Variants in KATNAL1 observed in about 807,000 individuals in gnomAD.
KATNAL1 encodes the protein katanin catalytic subunit A1 like 1, also known as katanin p60 ATPase-containing subunit A-like 1.
In KATNAL1, 32 loss-of-function variants were observed where a neutral mutation model predicts 55.2. The observed-to-expected ratio is 0.58, with a 90% CI of 0.44 to 0.78. The LOEUF (loss-of-function observed/expected upper bound fraction) is 0.78. Among genes scored for constraint, KATNAL1 ranks in the 30% least tolerant of loss-of-function variants. KATNAL1 has a pLI of 0.00. For missense variants in KATNAL1, 466 were observed against 600.9 expected (o/e 0.78, Z 2.35); for synonymous variants, 193 against 193.6 (o/e 1.00, Z 0.02).
chr13:30,214,031 T>C (rs901765065), intron 9 of KATNAL1, among the ~76,000 whole-genome samples: 5 of 152,170 alleles, frequency 3.3e-5, no homozygotes, highest in Admixed American at 6.5e-5. Flanking sequence ...AACCCCATCG[T>C]CTCAGCCCAA....
At chr13:30,269,705 G>A (rs1258527756) in intron 3 of KATNAL1, among the ~76,000 whole-genome samples, 2 of 151,864 alleles carry the variant, frequency 1.3e-5, no homozygotes, top group South Asian at 4.2e-4. Flanking sequence ...GGGAGGTGAG[G>A]AGCGTCTCTG....
Position 30,206,679 on chromosome 13 carries a change from T to G in KATNAL1, c.*1861A>C, listed in dbSNP as rs1430782522. The G allele has an allele frequency of 6.6e-6, 1 of 151,840 alleles. No homozygotes were observed. The highest frequency in any genetic ancestry group is 1.9e-4 in the East Asian group (1 of 5,138). 9.4% of individuals were successfully genotyped at this position (151,840 alleles called of 1,614,324 possible). ...AAAGTAATGGAAAAACCACAATTAC[T>G]TTTGCACCAACCCATTACAAACAAG... On this transcript the variant is annotated 3_prime_UTR_variant, in exon 11 of 11. Coordinates refer to ENST00000380615, the MANE Select transcript of KATNAL1 (RefSeq NM_032116.5).
At chr13:30,234,686 C>T (rs531566700) in intron 6 of KATNAL1, among the ~76,000 whole-genome samples, 1 of 152,298 alleles carries the variant, frequency 6.6e-6, no homozygotes, top group East Asian at 1.9e-4. Flanking sequence ...ATCTGAAGCT[C>T]CAGGCCTCTA....
At chr13:30,298,355 G>A (rs1253281592) in intron 1 of KATNAL1, among the ~76,000 whole-genome samples, 1 of 152,042 alleles carries the variant, frequency 6.6e-6, no homozygotes, top group East Asian at 1.9e-4. Context: ...ACTTTTTATT[G>A]CTGAGTAGTA....
At chr13:30,265,344 G>A (rs1007588522) in intron 3 of KATNAL1, among the ~76,000 whole-genome samples, 7 of 150,936 alleles carry the variant, frequency 4.6e-5, no homozygotes, top group African/African-American at 1.7e-4. Context: ...TGCACATTGT[G>A]CACATGTACC....
intron 9 of KATNAL1, among the ~76,000 whole-genome samples, chr13:30,222,637 CAAT>C (rs148064153): frequency 0.041 from 6,202 of 152,150 alleles, 171 homozygotes; most frequent in African/African-American, 0.071. Flanking sequence ...GCTAAAAATC[CAAT>C]AATGGCATTA....
intron 9 of KATNAL1, among the ~76,000 whole-genome samples, chr13:30,216,634 G>A (rs1261538159): frequency 7.2e-5 from 11 of 152,160 alleles, no homozygotes; most frequent in East Asian, 1.9e-4. Flanking sequence ...ACACCTGCTC[G>A]ACATGTGGTT....
chr13:30,286,461 T>C (rs181398642), intron 1 of KATNAL1, among the ~76,000 whole-genome samples: 2 of 152,242 alleles, frequency 1.3e-5, no homozygotes, highest in African/African-American at 4.8e-5. Context: ...AGCTTCCACA[T>C]GGTGCTGGGC....
intron 9 of KATNAL1, among the ~76,000 whole-genome samples, chr13:30,218,615 T>C (rs937252392): frequency 2.0e-5 from 3 of 152,108 alleles, no homozygotes; most frequent in Admixed American, 2.0e-4. Flanking sequence ...ATGTCAGAAG[T>C]ATGAGCAGAA....
At chr13:30,284,206 C>G (rs1442322723) in intron 1 of KATNAL1, among the ~76,000 whole-genome samples, 1 of 152,122 alleles carries the variant, frequency 6.6e-6, no homozygotes, top group Non-Finnish European at 1.5e-5. Context: ...TTGAGGTTAT[C>G]TGAATGCATC....
At chr13:30,218,046 C>A (rs1398911418) in intron 9 of KATNAL1, among the ~76,000 whole-genome samples, 1 of 151,682 alleles carries the variant, frequency 6.6e-6, no homozygotes, top group Admixed American at 6.6e-5. Context: ...GAAGAGAGAA[C>A]CTGGGAAATG....
intron 1 of KATNAL1, among the ~76,000 whole-genome samples, chr13:30,297,514 G>A (rs1882592741): frequency 6.6e-6 from 1 of 151,998 alleles, no homozygotes; most frequent in Non-Finnish European, 1.5e-5. Context: ...CCCATTACTG[G>A]GTATATACCC....
At chr13:30,291,324 T>C (rs1301914112) in intron 1 of KATNAL1, among the ~76,000 whole-genome samples, 1 of 152,062 alleles carries the variant, frequency 6.6e-6, no homozygotes, top group African/African-American at 2.4e-5. Flanking sequence ...AGTAAAATCA[T>C]CCAAAAAATA....
intron 9 of KATNAL1, 44 bp downstream of exon 9, chr13:30,227,368 T>C: frequency 6.4e-7 from 1 of 1,573,794 alleles, no homozygotes; most frequent in Non-Finnish European, 8.7e-7. Flanking sequence ...ATGGGAAAGG[T>C]AACAAAAAGT....
chr13:30,226,708 G>T, intron 9 of KATNAL1, among the ~76,000 whole-genome samples: 2 of 152,280 alleles, frequency 1.3e-5, no homozygotes, highest in Non-Finnish European at 1.5e-5. Flanking sequence ...ACATTTCATT[G>T]TATGTAAATT....
chr13:30,279,681 C>T (rs993518141), intron 3 of KATNAL1, among the ~76,000 whole-genome samples: 3 of 152,052 alleles, frequency 2.0e-5, no homozygotes, highest in African/African-American at 7.2e-5. Context: ...TGACTGTAGG[C>T]CCAACTAGGA....
chr13:30,238,041 C>A (rs188830605), intron 6 of KATNAL1, among the ~76,000 whole-genome samples: 1 of 152,166 alleles, frequency 6.6e-6, no homozygotes, highest in Non-Finnish European at 1.5e-5. Context: ...CACTTCTGAA[C>A]GTGCTCTTTG....
intron 1 of KATNAL1, among the ~76,000 whole-genome samples, chr13:30,302,741 T>C (rs1882938671): frequency 6.6e-6 from 1 of 152,232 alleles, no homozygotes; most frequent in South Asian, 2.1e-4. Context: ...GTTTGAGCAC[T>C]GACTGAAATG....
chr13:30,290,016 T>A (rs1479026678), intron 1 of KATNAL1, among the ~76,000 whole-genome samples: 1 of 152,238 alleles, frequency 6.6e-6, no homozygotes, highest in African/African-American at 2.4e-5. Flanking sequence ...CTTTTGATTT[T>A]TCTTCAACCT....
Sources: gnomAD v4.1 joint callset for allele counts (sites outside exome capture counted in the v4.1 genomes callset) on GRCh38, gnomAD v4.1.1 for gene constraint, MANE v1.5 for transcripts, NCBI Gene and HGNC (gene_info 2026-07-23, HGNC 2026-07-21) for gene names.